The following ZC3H11C variants were observed in gnomAD, a reference collection of about 807,000 sequenced individuals.
The protein encoded by ZC3H11C is zinc finger CCCH domain-containing protein 11C.
chr6:65,305,514 A>T, the ZC3H11C span, among the ~76,000 whole-genome samples: 2 of 152,182 alleles, frequency 1.3e-5, no homozygotes, highest in African/African-American at 2.4e-5. Context: ...GGAAGCCTGT[A>T]ATGTGGGCAT....
chr6:65,301,957 G>C, the ZC3H11C span, among the ~76,000 whole-genome samples: 2 of 152,256 alleles, frequency 1.3e-5, no homozygotes, highest in Admixed American at 1.3e-4. Flanking sequence ...AGTATTAAGT[G>C]TGAAGAAATC....
chr6:65,302,767 C>A, the ZC3H11C span: 1 of 1,613,864 alleles, frequency 6.2e-7, no homozygotes, highest in Non-Finnish European at 8.5e-7. Flanking sequence ...ACTGCGCTTT[C>A]CATCACAATA....
At chr6:65,306,162 T>C in the ZC3H11C span, among the ~76,000 whole-genome samples, 1 of 152,228 alleles carries the variant, frequency 6.6e-6, no homozygotes, top group African/African-American at 2.4e-5. Context: ...TATTTTGCTG[T>C]AGGTGGCCAG....
chr6:65,304,145 G>A, the ZC3H11C span: 1 of 704,696 alleles, frequency 1.4e-6, no homozygotes, highest in South Asian at 1.5e-5. Flanking sequence ...AGCTACAGAG[G>A]CTTCAGTTGA....
chr6:65,301,579 C>T, the ZC3H11C span, among the ~76,000 whole-genome samples: 1 of 152,236 alleles, frequency 6.6e-6, no homozygotes, highest in Non-Finnish European at 1.5e-5. Flanking sequence ...GGGATAGTGT[C>T]ATCGGTTCGG....
the ZC3H11C span, chr6:65,303,285 AAAATGTCAGG>A: frequency 1.3e-6 from 1 of 795,530 alleles, no homozygotes; most frequent in Non-Finnish European, 2.1e-6. Flanking sequence ...CCTGAAAAAG[AAAATGTCAGG>A]ACTGTGGTGA....
the ZC3H11C span, among the ~76,000 whole-genome samples, chr6:65,306,432 T>C: frequency 6.6e-6 from 1 of 152,138 alleles, no homozygotes; most frequent in Non-Finnish European, 1.5e-5. Flanking sequence ...ATAGCCCTTC[T>C]CCAAAGCAGG....
At chr6:65,305,401 G>T in the ZC3H11C span, among the ~76,000 whole-genome samples, 73 of 152,236 alleles carry the variant, frequency 4.8e-4, no homozygotes, top group African/African-American at 1.7e-3. Context: ...CAAATTTTAT[G>T]CTACCACTAA....
the ZC3H11C span, among the ~76,000 whole-genome samples, chr6:65,302,003 A>C: frequency 6.6e-6 from 1 of 152,120 alleles, no homozygotes; most frequent in African/African-American, 2.4e-5. Context: ...TGAAAAACTG[A>C]TTTTTTTTGT....
the ZC3H11C span, among the ~76,000 whole-genome samples, chr6:65,306,476 A>G: frequency 6.6e-6 from 1 of 152,054 alleles, no homozygotes; most frequent in Non-Finnish European, 1.5e-5. Context: ...CGGATTTTCT[A>G]CTTATTTCGC....
At chr6:65,306,397 T>C in the ZC3H11C span, among the ~76,000 whole-genome samples, 2 of 152,156 alleles carry the variant, frequency 1.3e-5, no homozygotes, top group African/African-American at 4.8e-5. Flanking sequence ...TACCAATCCA[T>C]CTTCAGCTGA....
At chr6:65,301,809 G>A in the ZC3H11C span, among the ~76,000 whole-genome samples, 128 of 152,288 alleles carry the variant, frequency 8.4e-4, no homozygotes, top group African/African-American at 2.9e-3. Flanking sequence ...ATTCCTGTGG[G>A]GAAGGCCTAT....
the ZC3H11C span, among the ~76,000 whole-genome samples, chr6:65,305,373 G>C: frequency 5.3e-4 from 81 of 152,322 alleles, no homozygotes; most frequent in East Asian, 0.014. Context: ...GATGAAGACA[G>C]CTGCTACCAT....
At chr6:65,303,032 T>C in the ZC3H11C span, 1 of 1,425,284 alleles carries the variant, frequency 7.0e-7, no homozygotes, top group South Asian at 1.1e-5. Context: ...TGATCAGTTT[T>C]CTGAGGAAGG....
the ZC3H11C span, among the ~76,000 whole-genome samples, chr6:65,305,206 T>C: frequency 9.0e-4 from 136 of 151,924 alleles, 6 homozygotes; most frequent in South Asian, 0.028. Flanking sequence ...GTCATACCCT[T>C]CTCTCCACAA....
At chr6:65,301,588 G>A in the ZC3H11C span, among the ~76,000 whole-genome samples, 1 of 152,238 alleles carries the variant, frequency 6.6e-6, no homozygotes, top group African/African-American at 2.4e-5. Flanking sequence ...TCATCGGTTC[G>A]GGTCCCACTA....
At chr6:65,301,840 C>A in the ZC3H11C span, among the ~76,000 whole-genome samples, 1 of 152,202 alleles carries the variant, frequency 6.6e-6, no homozygotes, top group South Asian at 2.1e-4. Context: ...TCTTCCAGGC[C>A]ATCTCAAGGT....
chr6:65,302,319 G>C, the ZC3H11C span, among the ~76,000 whole-genome samples: 1 of 152,166 alleles, frequency 6.6e-6, no homozygotes, highest in Non-Finnish European at 1.5e-5. Flanking sequence ...ACCTACAGGC[G>C]TAATAGATTG....
the ZC3H11C span, among the ~76,000 whole-genome samples, chr6:65,302,218 T>A: frequency 6.6e-6 from 1 of 152,218 alleles, no homozygotes; most frequent in African/African-American, 2.4e-5. Context: ...ATGCTGTGTT[T>A]GAATTGTGGC....
Sources: allele counts gnomAD v4.1 joint callset (sites outside exome capture counted in the v4.1 genomes callset), GRCh38; gene constraint gnomAD v4.1.1; transcripts MANE v1.5; gene names NCBI Gene and HGNC (gene_info 2026-07-23, HGNC 2026-07-21).